Variants in KDM2A observed in about 807,000 individuals in gnomAD.
The protein encoded by KDM2A is lysine demethylase 2A.
KDM2A carries 3 observed loss-of-function variants against 137.3 expected under a neutral mutation model. That is an observed-to-expected ratio of 0.02 (90% CI 0.01 to 0.06). The LOEUF (loss-of-function observed/expected upper bound fraction) is 0.06, where lower values mean the gene tolerates loss of function less well. Among genes scored for constraint, KDM2A ranks in the 10% least tolerant of loss-of-function variants. The pLI is 1.00. For synonymous variants in KDM2A, 512 were observed against 541.5 expected (o/e 0.95, Z 0.76); for missense variants, 738 against 1,510.6 (o/e 0.49, Z 8.48).
rs980811306 is a variant in KDM2A at position 67,255,362 on chromosome 11, G to A, written c.*307G>A. ...GGAGGCCGGGCTCTCAGTTTGGGGT[G>A]TTTGTGCAACCTTCATCTGCACTGG... On this transcript the variant is annotated 3_prime_UTR_variant, in exon 21 of 21. Coordinates refer to ENST00000529006, the MANE Select transcript of KDM2A (RefSeq NM_012308.3). 1 of 454,438 alleles carries A rather than the reference G, an allele frequency of 2.2e-6. No individual in the cohort carries two copies. The allele number at this position is 454,438 out of a possible 1,614,324, so 28.2% of individuals were successfully genotyped here. A position where few individuals can be genotyped will look rare whatever the true frequency, so the allele number is the denominator to read the frequency against.
chr11:67,127,703 A>ATTT (rs1565369399), intron 2 of KDM2A, among the ~76,000 whole-genome samples: 2 of 151,586 alleles, frequency 1.3e-5, no homozygotes, highest in African/African-American at 2.4e-5. Context: ...TAAATTAATT[A>ATTT]ATTTATTTAT....
At chr11:67,237,320 T>C (rs1011414365) in intron 12 of KDM2A, among the ~76,000 whole-genome samples, 2 of 152,100 alleles carry the variant, frequency 1.3e-5, no homozygotes, top group African/African-American at 2.4e-5. Context: ...AAATACTAAT[T>C]AGGAATTCTC....
At chr11:67,196,533 ATTAT>A (rs1326917510) in intron 5 of KDM2A, 1 of 452,522 alleles carries the variant, frequency 2.2e-6, no homozygotes, top group Non-Finnish European at 4.4e-6. Flanking sequence ...TCACTGGATT[ATTAT>A]TTAGCCTTAA....
intron 5 of KDM2A, among the ~76,000 whole-genome samples, chr11:67,192,445 T>C (rs904608607): frequency 5.5e-5 from 7 of 127,224 alleles, no homozygotes; most frequent in East Asian, 2.1e-4. Context: ...TTTTTTTTTT[T>C]TTTTTTTTTT....
chr11:67,144,513 A>G (rs536256216), intron 2 of KDM2A, among the ~76,000 whole-genome samples: 1 of 151,698 alleles, frequency 6.6e-6, no homozygotes, highest in East Asian at 1.9e-4. Context: ...CAGCCTTCCA[A>G]AGTGCTGGGA....
intron 18 of KDM2A, 25 bp from the exon 19 acceptor site, chr11:67,253,428 A>T: frequency 6.2e-7 from 1 of 1,605,806 alleles, no homozygotes; most frequent in Non-Finnish European, 8.5e-7. Context: ...GTGTATTATT[A>T]CATGTCTCAT....
At chr11:67,131,961 G>T (rs1054444772) in intron 2 of KDM2A, 3 of 152,094 alleles carry the variant, frequency 2.0e-5, no homozygotes, top group African/African-American at 7.2e-5. Context: ...GGTTCTTGGG[G>T]TTTTTCTCTG....
intron 12 of KDM2A, among the ~76,000 whole-genome samples, chr11:67,235,954 AT>A (rs1457401455): frequency 6.6e-6 from 1 of 152,138 alleles, no homozygotes; most frequent in Admixed American, 6.5e-5. Context: ...GGAAAGTTGT[AT>A]TCTTGATATA....
chr11:67,152,716 G>C (rs1345301954), intron 2 of KDM2A, among the ~76,000 whole-genome samples: 1 of 151,984 alleles, frequency 6.6e-6, no homozygotes, highest in Non-Finnish European at 1.5e-5. Context: ...CCCATACCAG[G>C]GATAAGTACT....
At chr11:67,215,828 A>C in intron 7 of KDM2A, 28 bp from the exon 8 acceptor site, 1 of 1,582,736 alleles carries the variant, frequency 6.3e-7, no homozygotes, top group Non-Finnish European at 8.7e-7. Context: ...CCATCAGTAC[A>C]CTAATGCTGC....
At chr11:67,221,626 C>T (rs1341465991) in intron 10 of KDM2A, among the ~76,000 whole-genome samples, 1 of 152,162 alleles carries the variant, frequency 6.6e-6, no homozygotes, top group East Asian at 1.9e-4. Flanking sequence ...GAAGCCAGTG[C>T]TTCTTCAACA....
At chr11:67,139,276 G>T (rs11227704) in intron 2 of KDM2A, among the ~76,000 whole-genome samples, 13,231 of 150,232 alleles carry the variant, frequency 0.088, 1,958 homozygotes, top group African/African-American at 0.31. Flanking sequence ...ACGGAGTCTC[G>T]CTTTGTCCCC....
At chr11:67,131,146 G>A (rs140591182) in intron 2 of KDM2A, among the ~76,000 whole-genome samples, 4,817 of 151,940 alleles carry the variant, frequency 0.032, 120 homozygotes, top group African/African-American at 0.07. Flanking sequence ...CCAACATGAC[G>A]AAACCCCATC....
chr11:67,172,729 T>A (rs1426117846), intron 2 of KDM2A, among the ~76,000 whole-genome samples: 1 of 152,102 alleles, frequency 6.6e-6, no homozygotes. Context: ...TCCAAACTTT[T>A]CTTTTTCTTG....
chr11:67,199,901 ACT>A (rs1383050689), intron 5 of KDM2A, among the ~76,000 whole-genome samples: 1 of 152,142 alleles, frequency 6.6e-6, no homozygotes, highest in Admixed American at 6.5e-5. Context: ...GGACAAGTTG[ACT>A]CTCTTGTTAG....
At position 67,245,976 on chromosome 11, in the gene KDM2A, C is replaced by T. The variant is rs1364742831; in HGVS notation, c.1834-9C>T. ...AGTTCTCTTGGATTCTATCTTTGTC[C>T]TCTTGTAGCCCAGACTGCCTCACTC... is the stretch of plus-strand genomic sequence containing the variant. On this transcript the variant is annotated splice_polypyrimidine_tract_variant and intron_variant, in intron 14 of 20. Coordinates refer to ENST00000529006, the MANE Select transcript of KDM2A (RefSeq NM_012308.3). The surrounding 1 kb of genome is among the most constrained non-coding windows in gnomAD (Gnocchi z 4.1). The T allele has an allele frequency of 6.8e-6, 11 of 1,613,476 alleles. No homozygotes were observed. Among genetic ancestry groups the T allele is most frequent in the Non-Finnish European group, 9.3e-6 (11 of 1,179,668 alleles).
At chr11:67,231,449 T>A (rs374487868) in intron 11 of KDM2A, 117 bp from the exon 12 acceptor site, 3 of 929,976 alleles carry the variant, frequency 3.2e-6, no homozygotes, top group Non-Finnish European at 4.8e-6. Context: ...ACCATTTTTT[T>A]AAATGTGGTA....
chr11:67,125,446 G>C (rs559741530), intron 2 of KDM2A, among the ~76,000 whole-genome samples: 3 of 151,806 alleles, frequency 2.0e-5, no homozygotes, highest in Middle Eastern at 3.4e-3. Context: ...CTCCCAACAA[G>C]TCATTTTTTG....
intron 2 of KDM2A, among the ~76,000 whole-genome samples, chr11:67,127,363 G>A (rs763949231): frequency 6.6e-6 from 1 of 151,924 alleles, no homozygotes; most frequent in Non-Finnish European, 1.5e-5. Context: ...AGACTCAAGC[G>A]ATCCACCTTG....
Sources: gnomAD v4.1 joint callset for allele counts (sites outside exome capture counted in the v4.1 genomes callset) on GRCh38, gnomAD v4.1.1 for gene constraint, Gnocchi (gnomAD v3.1) non-coding constraint, MANE v1.5 for transcripts, NCBI Gene and HGNC (gene_info 2026-07-23, HGNC 2026-07-21) for gene names.